Variants in VWA3A observed in about 807,000 individuals in gnomAD.
The protein encoded by VWA3A is von Willebrand factor A domain-containing protein 3A.
Under a neutral mutation model 160.4 loss-of-function variants are expected in VWA3A, and 134 were observed. The observed-to-expected ratio is 0.84, with a 90% CI of 0.73 to 0.96. VWA3A has a LOEUF of 0.96. VWA3A is among the 40% of genes least tolerant of loss of function. The pLI is 0.00. For synonymous variants in VWA3A, 476 were observed against 543.4 expected, an observed-to-expected ratio of 0.88 and a Z score of 1.72; for missense variants, 1,310 against 1,447.9, an observed-to-expected ratio of 0.90 and a Z score of 1.55.
rs779700037 is a variant in VWA3A, at chr16:22,131,589, G to A, written c.1732G>A (p.Ala578Thr). The A allele has an allele frequency of 7.4e-6, 12 of 1,612,330 alleles. No homozygotes were observed. The Admixed American group carries it at 1.8e-4, about 25-fold the overall frequency. Reference protein sequence around the residue: ...HNNLQSAWRWALNLRCRGSRN... With the variant: ...HNNLQSAWRWTLNLRCRGSRN... ...TGGCCATCTCTGCCTCCGCAGGTGG[G>A]CCCTGAACCTGCGGTGTCGGGGCAG... Residue 578 changes from alanine to threonine, a missense_variant, in exon 19 of 34, where the codon GCC becomes ACC. Coordinates refer to ENST00000389398, the MANE Select transcript of VWA3A (RefSeq NM_173615.5).
intron 21 of VWA3A, among the ~76,000 whole-genome samples, 182 bp downstream of exon 21, chr16:22,134,620 A>C (rs1204045029): frequency 6.6e-6 from 1 of 152,122 alleles, no homozygotes; most frequent in Non-Finnish European, 1.5e-5. Context: ...TTTGGGTAGA[A>C]TCTTTCCTTG....
chr16:22,117,636 C>T (rs1455132758), intron 11 of VWA3A, among the ~76,000 whole-genome samples: 2 of 152,212 alleles, frequency 1.3e-5, no homozygotes, highest in Middle Eastern at 3.2e-3. Context: ...CATTACTGTC[C>T]TTGTCCCAGT....
chr16:22,101,995 C>T (rs2045414306), intron 5 of VWA3A, among the ~76,000 whole-genome samples: 1 of 152,160 alleles, frequency 6.6e-6, no homozygotes, highest in Non-Finnish European at 1.5e-5. Context: ...GTTACCACAC[C>T]TGTCCAAGGT....
At position 22,100,270 on chromosome 16, in the gene VWA3A, G is replaced by A. The variant is rs1307951514; in HGVS notation, c.302G>A (p.Cys101Tyr). The change falls in exon 4 of 34, where the codon TGT (cysteine) becomes TAT (tyrosine). Residue 101 changes from cysteine to tyrosine, a missense_variant. By Grantham distance (194) the Cys-to-Tyr change is radical (BLOSUM62 -2). Coordinates refer to ENST00000389398, the MANE Select transcript of VWA3A (RefSeq NM_173615.5). ...EDWLSAHSLK[C>Y]QKLTLADLIS... ...TGGCTTTCGGCTCACAGTTTAAAATGTCAGAAACTCACCTTGGCTGACCTG... is the reference window on the plus strand; with the variant it reads ...TGGCTTTCGGCTCACAGTTTAAAATATCAGAAACTCACCTTGGCTGACCTG... 1.4e-5 allele frequency: 22 copies of A among 1,551,398 alleles called. No homozygotes were observed. Among genetic ancestry groups the A allele is most frequent in the Non-Finnish European group, 1.9e-5 (22 of 1,146,958 alleles).
At chr16:22,147,943 C>T (rs1377852185) in intron 27 of VWA3A, among the ~76,000 whole-genome samples, 1 of 152,172 alleles carries the variant, frequency 6.6e-6, no homozygotes, top group Non-Finnish European at 1.5e-5. Context: ...AAATCTCGAT[C>T]TCCCAAAGCC....
At chr16:22,131,453 C>T in intron 18 of VWA3A, 132 bp from the exon 19 acceptor site, 1 of 1,467,758 alleles carries the variant, frequency 6.8e-7, no homozygotes, top group Non-Finnish European at 9.2e-7. Context: ...CCCACCTGGC[C>T]ATCTTCACTT....
chr16:22,099,685 G>A (rs1342270133), intron 3 of VWA3A, among the ~76,000 whole-genome samples: 1 of 152,358 alleles, frequency 6.6e-6, no homozygotes, highest in East Asian at 1.9e-4. Flanking sequence ...CTTAAGTCAA[G>A]GTCGCTTGAG....
intron 9 of VWA3A, 43 bp from the exon 10 acceptor site, chr16:22,116,716 G>A: frequency 2.0e-6 from 3 of 1,477,348 alleles, no homozygotes; most frequent in Non-Finnish European, 2.8e-6. Context: ...TTCTCAAAGT[G>A]GTCTGACCTG....
chr16:22,120,866 T>A (rs2045721054), intron 12 of VWA3A, 102 bp from the exon 13 acceptor site: 3 of 1,435,740 alleles, frequency 2.1e-6, no homozygotes, highest in African/African-American at 2.8e-5. Flanking sequence ...CCAGGGAGTG[T>A]TTAAGAAGCT....
chr16:22,149,365 A>G (rs2046308096), intron 28 of VWA3A, among the ~76,000 whole-genome samples: 2 of 152,062 alleles, frequency 1.3e-5, no homozygotes, highest in Non-Finnish European at 1.5e-5. Flanking sequence ...CAGCCTCCCA[A>G]GTAGCTTGGA....
chr16:22,093,928 C>A (rs1405233098), intron 1 of VWA3A, among the ~76,000 whole-genome samples: 5 of 140,954 alleles, frequency 3.5e-5, no homozygotes, highest in Non-Finnish European at 7.4e-5. Flanking sequence ...CCATGCCCAG[C>A]TAATTTTTGT....
At chr16:22,141,492 G>A (rs1365361654) in intron 23 of VWA3A, 90 bp from the exon 24 acceptor site, 1 of 1,227,096 alleles carries the variant, frequency 8.1e-7, no homozygotes, top group African/African-American at 1.5e-5. Context: ...GTGGAGTATA[G>A]CTGAACTTGA....
chr16:22,154,906 A>G (rs1462969315), intron 31 of VWA3A, among the ~76,000 whole-genome samples: 1 of 133,002 alleles, frequency 7.5e-6, no homozygotes, highest in African/African-American at 2.8e-5. Flanking sequence ...GTGAGCCGAG[A>G]TTGCGCCACT....
intron 22 of VWA3A, 116 bp from the exon 23 acceptor site, chr16:22,140,038 C>T: frequency 1.0e-6 from 1 of 974,826 alleles, no homozygotes; most frequent in Non-Finnish European, 1.6e-6. Flanking sequence ...GAGGAGTCCC[C>T]TCCCTTAGGC....
At chr16:22,116,731 T>G (rs11649656) in intron 9 of VWA3A, 28 bp from the exon 10 acceptor site, 1,554,702 of 1,573,774 alleles carry the variant, frequency 0.99, 769,204 homozygotes, top group Non-Finnish European at 1. Flanking sequence ...GACCTGGGAT[T>G]TCCACTTCTC....
In VWA3A at chr16:22,096,897, C is replaced by G. The variant is rs369703078; in HGVS notation, c.53C>G (p.Thr18Ser). 52 of 1,549,548 alleles carry G rather than the reference C, an allele frequency of 3.4e-5. No individual in the cohort carries two copies. In the East Asian group the frequency reaches 5.1e-4, roughly 15 times the overall value. The change falls in exon 2 of 34, where the codon ACT becomes AGT. Residue 18 changes from threonine to serine, a missense_variant. By Grantham distance (58) the Thr-to-Ser change is moderately conservative. Transcript: ENST00000389398. ...SIGCFAMATQTSHVFHGQENM... is the reference protein window; with the variant it reads ...SIGCFAMATQSSHVFHGQENM... ...GGGTGTTTTGCAATGGCTACACAAA[C>G]TAGTCATGTCTTCCATGGTCAAGAA... is the stretch of plus-strand genomic sequence containing the variant.
intron 7 of VWA3A, among the ~76,000 whole-genome samples, chr16:22,110,257 C>A (rs2045534532): frequency 6.6e-6 from 1 of 152,206 alleles, no homozygotes; most frequent in Admixed American, 6.5e-5. Context: ...AGAGAAAAAG[C>A]CTCTGCAGCG....
chr16:22,115,259 C>G, intron 8 of VWA3A, 88 bp from the exon 9 acceptor site: 1 of 1,415,826 alleles, frequency 7.1e-7, no homozygotes, highest in Non-Finnish European at 9.4e-7. Flanking sequence ...CTGGGTAACA[C>G]AGCAAGCCCT....
chr16:22,108,691 G>A (rs1365336141), intron 6 of VWA3A, among the ~76,000 whole-genome samples: 2 of 152,112 alleles, frequency 1.3e-5, no homozygotes, highest in African/African-American at 2.4e-5. Context: ...GGAACCTACT[G>A]CCCCTAGAGA....
Sources: gnomAD v4.1 joint callset for allele counts (sites outside exome capture counted in the v4.1 genomes callset) on GRCh38, gnomAD v4.1.1 for gene constraint, MANE v1.5 for transcripts, NCBI Gene and HGNC (gene_info 2026-07-23, HGNC 2026-07-21) for gene names.